The following ELMO1 variants were observed in gnomAD, a reference collection of about 807,000 sequenced individuals.
ELMO1 encodes engulfment and cell motility 1.
A neutral mutation model predicts 98.9 loss-of-function variants in ELMO1; 26 were observed. The ratio of observed to expected loss-of-function variants is 0.26; its 90% confidence interval spans 0.19 to 0.36. The LOEUF is 0.36. ELMO1 is among the 10% of genes least tolerant of loss of function. The pLI, the probability that ELMO1 is intolerant of heterozygous loss-of-function variation, is 1.00. For synonymous variants in ELMO1, 346 were observed against 346.0 expected, an observed-to-expected ratio of 1.00 and a Z score of 0.00; for missense variants, 627 against 935.2, an observed-to-expected ratio of 0.67 and a Z score of 4.30.
intron 16 of ELMO1, among the ~76,000 whole-genome samples, chr7:36,904,934 GA>G (rs1487612958): frequency 1.3e-5 from 2 of 152,204 alleles, no homozygotes; most frequent in Non-Finnish European, 2.9e-5. Flanking sequence ...TTAGCTAATC[GA>G]AGGACTTGGC....
At chr7:36,862,953 A>G (rs1271539684) in intron 20 of ELMO1, among the ~76,000 whole-genome samples, 1 of 152,228 alleles carries the variant, frequency 6.6e-6, no homozygotes, top group African/African-American at 2.4e-5. Context: ...CAGTGCCTAC[A>G]GATTTCAGAA....
intron 1 of ELMO1, among the ~76,000 whole-genome samples, chr7:37,389,915 C>T (rs1215503366): frequency 2.6e-5 from 4 of 152,086 alleles, no homozygotes; most frequent in Non-Finnish European, 5.9e-5. Context: ...GAAAGGCACG[C>T]TTCCCACAGT....
intron 16 of ELMO1, among the ~76,000 whole-genome samples, chr7:37,003,106 A>G (rs1325456131): frequency 2.6e-5 from 4 of 152,232 alleles, no homozygotes; most frequent in Non-Finnish European, 5.9e-5. Context: ...TAGGAAGAAA[A>G]CACATAGAAA....
chr7:36,981,389 A>G (rs932452177), intron 16 of ELMO1, among the ~76,000 whole-genome samples: 2 of 151,980 alleles, frequency 1.3e-5, no homozygotes, highest in Non-Finnish European at 2.9e-5. Flanking sequence ...GGGAGTGAAG[A>G]TATAGGATAA....
intron 16 of ELMO1, among the ~76,000 whole-genome samples, chr7:36,923,313 A>G (rs1785289720): frequency 6.6e-6 from 1 of 152,238 alleles, no homozygotes; most frequent in Non-Finnish European, 1.5e-5. Context: ...TTGGACTCAC[A>G]TCTTGAAGCC....
intron 13 of ELMO1, among the ~76,000 whole-genome samples, chr7:37,190,027 G>A (rs917666851): frequency 2.2e-4 from 21 of 93,998 alleles, no homozygotes; most frequent in African/African-American, 7.3e-4. Context: ...ACATTTTATC[G>A]TTTTGTCCCT....
chr7:37,378,544 G>A (rs1455835756), intron 1 of ELMO1, among the ~76,000 whole-genome samples: 3 of 151,782 alleles, frequency 2.0e-5, no homozygotes, highest in African/African-American at 7.3e-5. Context: ...AAAAGAGGGA[G>A]ATAAAAGGAA....
chr7:36,887,515 C>T (rs1227194477), intron 18 of ELMO1, 45 bp downstream of exon 18: 2 of 1,577,198 alleles, frequency 1.3e-6, no homozygotes, highest in Admixed American at 1.7e-5. Flanking sequence ...GGGAGCGGGC[C>T]ACTGTTTACC....
At chr7:37,423,616 TCA>T in intron 1 of ELMO1, among the ~76,000 whole-genome samples, 1 of 152,114 alleles carries the variant, frequency 6.6e-6, no homozygotes, top group South Asian at 2.1e-4. Context: ...AACAAACACC[TCA>T]CAGTATTCTA....
intron 15 of ELMO1, among the ~76,000 whole-genome samples, chr7:37,058,443 C>A (rs2129210977): frequency 6.6e-6 from 1 of 152,256 alleles, no homozygotes; most frequent in Non-Finnish European, 1.5e-5. Context: ...CTCTCTTCAC[C>A]TAACCTGTCC....
At chr7:37,383,973 G>A (rs1172860541) in intron 1 of ELMO1, among the ~76,000 whole-genome samples, 1 of 151,998 alleles carries the variant, frequency 6.6e-6, no homozygotes, top group African/African-American at 2.4e-5. Context: ...CCGCCACCGC[G>A]CCCGGCTAAT....
At chr7:37,217,671 G>A in intron 10 of ELMO1, 1 of 456,898 alleles carries the variant, frequency 2.2e-6, no homozygotes, top group South Asian at 1.5e-5. Flanking sequence ...CAGGAGAGCA[G>A]GGCCCACTTT....
chr7:37,404,931 T>G (rs1803692761), intron 1 of ELMO1, among the ~76,000 whole-genome samples: 1 of 152,212 alleles, frequency 6.6e-6, no homozygotes, highest in Non-Finnish European at 1.5e-5. Flanking sequence ...TTTTAATTTT[T>G]TTCTGAATAA....
intron 16 of ELMO1, among the ~76,000 whole-genome samples, chr7:36,973,174 A>G (rs1790127328): frequency 2.0e-5 from 3 of 152,250 alleles, no homozygotes; most frequent in Non-Finnish European, 4.4e-5. Context: ...CTTGAGTGGT[A>G]CAACCCAATC....
intron 21 of ELMO1, among the ~76,000 whole-genome samples, chr7:36,856,186 A>C (rs1802184264): frequency 1.3e-5 from 2 of 152,066 alleles, no homozygotes; most frequent in Admixed American, 6.5e-5. Context: ...TTCTTTGCTG[A>C]CTCCAGTCAT....
intron 1 of ELMO1, among the ~76,000 whole-genome samples, chr7:37,423,454 C>T (rs1163040035): frequency 1.3e-5 from 2 of 152,192 alleles, no homozygotes; most frequent in Non-Finnish European, 2.9e-5. Context: ...GCGGTGGCTG[C>T]CTGTAATCCC....
At chr7:37,407,068 C>T (rs902848372) in intron 1 of ELMO1, among the ~76,000 whole-genome samples, 1 of 152,102 alleles carries the variant, frequency 6.6e-6, no homozygotes, top group African/African-American at 2.4e-5. Context: ...AAAATCTGCA[C>T]GCATGTTTAC....
intron 16 of ELMO1, among the ~76,000 whole-genome samples, chr7:36,905,333 G>A (rs190952585): frequency 7.4e-4 from 113 of 152,302 alleles, no homozygotes; most frequent in African/African-American, 2.6e-3. Flanking sequence ...ACTACATGGA[G>A]TAACTCCTGG....
intron 16 of ELMO1, among the ~76,000 whole-genome samples, chr7:36,925,165 C>T (rs1306325150): frequency 6.6e-6 from 1 of 152,220 alleles, no homozygotes; most frequent in East Asian, 1.9e-4. Context: ...TGCCTGCATC[C>T]ACCCTTGCAT....
Sources: allele counts gnomAD v4.1 joint callset (sites outside exome capture counted in the v4.1 genomes callset), GRCh38; gene constraint gnomAD v4.1.1; transcripts MANE v1.5; gene names NCBI Gene and HGNC (gene_info 2026-07-23, HGNC 2026-07-21).